KANK1: variants seen among roughly 807,000 people sequenced by gnomAD.
KANK1 encodes KN motif and ankyrin repeat domains 1.
In KANK1, 109 loss-of-function variants were observed where a neutral mutation model predicts 106.2. That is an observed-to-expected ratio of 1.03 (90% CI 0.88 to 1.20). KANK1 has a LOEUF of 1.20. Ranked by LOEUF, KANK1 falls within the 50% of genes most tolerant of loss-of-function variation. The pLI is 0.00. For synonymous variants in KANK1, 873 were observed against 652.2 expected, an observed-to-expected ratio of 1.34 and a Z score of -5.16; for missense variants, 2,399 against 1,710.7, an observed-to-expected ratio of 1.40 and a Z score of -7.10.
At chr9:515,318 C>G in intron 1 of KANK1, among the ~76,000 whole-genome samples, 1 of 148,438 alleles carries the variant, frequency 6.7e-6, no homozygotes, top group East Asian at 2.0e-4. Flanking sequence ...GCCCTCCAGC[C>G]TGGGTGAAAG....
At chr9:730,864 G>C in intron 4 of KANK1, 1 of 228,708 alleles carries the variant, frequency 4.4e-6, no homozygotes. Flanking sequence ...AGGCTCGTGA[G>C]ACACGACATC....
intron 5 of KANK1, 27 bp downstream of exon 5, chr9:731,293 C>A: frequency 7.4e-7 from 1 of 1,348,128 alleles, no homozygotes; most frequent in African/African-American, 1.4e-5. Context: ...GTTCTAGAGG[C>A]TAATGCTGTC....
intron 1 of KANK1, chr9:539,493 A>G (rs757215526): frequency 6.6e-6 from 1 of 151,898 alleles, no homozygotes; most frequent in African/African-American, 2.4e-5. Context: ...TAAGTATTTC[A>G]TTCTTTCTTT....
In KANK1 at chr9:740,822, C is replaced by T. The variant is rs1431891907; in HGVS notation, c.3584C>T (p.Ala1195Val). 3 of 1,613,254 alleles carry T rather than the reference C, an allele frequency of 1.9e-6. No homozygotes were observed. Among genetic ancestry groups the T allele is most frequent in the South Asian group, 2.2e-5 (2 of 91,058 alleles). ...TGTAATGTGGATCACCAGAACAAGG[C>T]AGGCTACACCCCCATCATGTTGGCG... Reference protein sequence around the residue: ...DVCNVDHQNKAGYTPIMLAAL... With the variant: ...DVCNVDHQNKVGYTPIMLAAL... The change falls in exon 9 of 12, where the codon GCA (alanine) becomes GTA (valine). Residue 1195 changes from alanine (A) to valine (V), a missense_variant. Transcript: ENST00000382297.
chr9:589,556 G>C (rs1824322755), intron 1 of KANK1, among the ~76,000 whole-genome samples: 1 of 151,934 alleles, frequency 6.6e-6, no homozygotes, highest in Non-Finnish European at 1.5e-5. Flanking sequence ...GGAAAAACAG[G>C]GGGCCAGGAC....
chr9:600,248 T>G (rs1419707271), intron 1 of KANK1, among the ~76,000 whole-genome samples: 1 of 151,788 alleles, frequency 6.6e-6, no homozygotes, highest in Non-Finnish European at 1.5e-5. Context: ...CTCTGTAATT[T>G]TGACTATTCT....
At chr9:695,616 G>C (rs960739381) in intron 2 of KANK1, among the ~76,000 whole-genome samples, 2 of 148,544 alleles carry the variant, frequency 1.3e-5, no homozygotes, top group South Asian at 2.2e-4. Context: ...CGTGGGGGGG[G>C]GGGCAAGGTA....
At chr9:508,890 C>T (rs896495866) in intron 1 of KANK1, among the ~76,000 whole-genome samples, 6 of 152,148 alleles carry the variant, frequency 3.9e-5, no homozygotes, top group Non-Finnish European at 7.3e-5. Flanking sequence ...ATATCCAATA[C>T]AAATGTGTAC....
At chr9:598,334 G>C (rs1408862580) in intron 1 of KANK1, among the ~76,000 whole-genome samples, 1 of 151,110 alleles carries the variant, frequency 6.6e-6, no homozygotes, top group Non-Finnish European at 1.5e-5. Context: ...GTGTTGTTTT[G>C]GCTATTTGGA....
At chr9:698,123 T>A (rs778759925) in intron 2 of KANK1, among the ~76,000 whole-genome samples, 5 of 152,172 alleles carry the variant, frequency 3.3e-5, no homozygotes, top group Non-Finnish European at 7.4e-5. Flanking sequence ...ATTCAGGCCC[T>A]GGTCAGATGC....
At chr9:537,608 CCTGAAATAAT>C (rs2060368315) in intron 1 of KANK1, among the ~76,000 whole-genome samples, 1 of 152,224 alleles carries the variant, frequency 6.6e-6, no homozygotes, top group African/African-American at 2.4e-5. Context: ...CCTGGAATAA[CCTGAAATAAT>C]AATAATAGGT....
In KANK1 at chr9:548,412, G is replaced by C. The variant is rs117689600; in HGVS notation, c.-84+43658G>C. 4.4e-3 allele frequency among the ~76,000 whole-genome samples: 671 copies of C among 152,166 alleles called. 3 individuals are homozygous for C. Among genetic ancestry groups the C allele is most frequent in the Non-Finnish European group, 7.2e-3 (487 of 68,004 alleles). ...GCTTTTTATTGTTGTACGTGAACTT[G>C]GTACTTACTTCTTTGGCTTTTAAAC... On this transcript the variant is annotated intron_variant, in intron 1 of 11. Transcript: ENST00000382297.
intron 1 of KANK1, among the ~76,000 whole-genome samples, chr9:660,694 C>G (rs1289889740): frequency 1.3e-5 from 2 of 152,130 alleles, no homozygotes; most frequent in African/African-American, 4.8e-5. Context: ...ACTGTCACCA[C>G]CCGAACAATC....
chr9:695,873 A>G (rs1441174400), intron 2 of KANK1, among the ~76,000 whole-genome samples: 1 of 152,170 alleles, frequency 6.6e-6, no homozygotes, highest in East Asian at 1.9e-4. Flanking sequence ...GCCTGCTTCA[A>G]ATCACTACAT....
intron 2 of KANK1, among the ~76,000 whole-genome samples, chr9:709,763 C>T (rs946152574): frequency 1.3e-5 from 2 of 151,938 alleles, no homozygotes; most frequent in Non-Finnish European, 2.9e-5. Context: ...TTACAGGCGC[C>T]TGCCACCATG....
In KANK1 at chr9:734,794, A is replaced by C. The variant is rs1486182911; in HGVS notation, c.3292A>C (p.Asn1098His). Reference sequence around the variant, plus strand: ...GTTGTCTGCATGCAACTTACTGAAAAATACTATAAATGACCCCAAAGCTTT... The same window carrying C: ...GTTGTCTGCATGCAACTTACTGAAACATACTATAAATGACCCCAAAGCTTT... ...KMLSACNLLK[N>H]TINDPKALTS... is the part of the protein sequence containing the mutation. Residue 1098 changes from asparagine to histidine, a missense_variant, in exon 7 of 12, where the codon AAT (asparagine) becomes CAT (histidine). Transcript: ENST00000382297. 1.9e-6 allele frequency: 3 copies of C among 1,613,812 alleles called. No homozygotes were observed. Among genetic ancestry groups the C allele is most frequent in the Admixed American group, 1.7e-5 (1 of 60,004 alleles).
rs544545232 is a variant in KANK1, at chr9:682,324, A to T, written c.37+5315A>T. ...TTATTTAAATTAATGATAACATAAA[A>T]TTTGACAGGAAACCAGAAGAGAAGA... On this transcript the variant is annotated intron_variant, in intron 2 of 11. Coordinates refer to ENST00000382297, the MANE Select transcript of KANK1 (RefSeq NM_015158.5). 5.8e-4 allele frequency among the ~76,000 whole-genome samples: 88 copies of T among 152,230 alleles called. 2 individuals are homozygous for T. The highest frequency in any genetic ancestry group is 2.1e-3 in the African/African-American group (87 of 41,544).
At chr9:569,604 G>A (rs1818668249) in intron 1 of KANK1, among the ~76,000 whole-genome samples, 2 of 152,072 alleles carry the variant, frequency 1.3e-5, no homozygotes, top group African/African-American at 4.8e-5. Flanking sequence ...TACCTTTTCT[G>A]TATAAATTAC....
chr9:603,597 G>C (rs1828322337), intron 1 of KANK1, among the ~76,000 whole-genome samples: 1 of 151,572 alleles, frequency 6.6e-6, no homozygotes, highest in African/African-American at 2.4e-5. Flanking sequence ...CCTAGTTCTA[G>C]AACAGCAAAA....
Sources: gnomAD v4.1 joint callset for allele counts (sites outside exome capture counted in the v4.1 genomes callset) on GRCh38, gnomAD v4.1.1 for gene constraint, MANE v1.5 for transcripts, NCBI Gene and HGNC (gene_info 2026-07-23, HGNC 2026-07-21) for gene names.